Variants in ZNF559 observed in about 807,000 individuals in gnomAD.
ZNF559 encodes the protein putative protein product of Nbla00121.
Under a neutral mutation model 14.2 loss-of-function variants are expected in ZNF559, and 17 were observed. The observed-to-expected ratio is 1.20, with a 90% confidence interval of 0.82 to 1.80. The LOEUF (loss-of-function observed/expected upper bound fraction) is 1.80. Among genes scored for constraint, ZNF559 ranks in the 40% most tolerant of loss-of-function variants. The pLI, the probability that ZNF559 is intolerant of heterozygous loss-of-function variation, is 0.00. For synonymous variants in ZNF559, 244 were observed against 212.4 expected, an observed-to-expected ratio of 1.15 and a Z score of -1.29; for missense variants, 740 against 629.7, an observed-to-expected ratio of 1.18 and a Z score of -1.88.
Position 9,341,766 on chromosome 19 carries a change from C to T in ZNF559, c.315C>T (p.Cys105=). The change falls in exon 7 of 7, where the codon TGC becomes TGT. Residue 105 remains cysteine (C), a synonymous_variant. Coordinates refer to ENST00000603380, the MANE Select transcript of ZNF559 (RefSeq NM_032497.3). ...QCEKALSEHS[C]LKTHRRTYFR... is the part of the protein sequence containing the mutation. ...AAAAAGCCTTGAGTGAACACTCATG[C>T]CTTAAGACTCACAGGAGAACTTACT... 2 of 1,604,954 alleles carry T rather than the reference C, an allele frequency of 1.2e-6. No homozygotes were observed. Among genetic ancestry groups the T allele is most frequent in the South Asian group, 2.2e-5 (2 of 89,348 alleles).
In ZNF559 at chr19:9,324,248, C is replaced by T. The variant is rs2066435379; in HGVS notation, c.-206+20C>T. ...TCTGAGGTAAGTTTTTGTTTCTGGG[C>T]GGCGTTCGGTGGTGTCCCGGTGCAG... is the stretch of plus-strand genomic sequence containing the variant. On this transcript the variant is annotated intron_variant, in intron 1 of 6. Coordinates refer to ENST00000603380, the MANE Select transcript of ZNF559 (RefSeq NM_032497.3). 3 of 1,536,036 alleles carry T rather than the reference C, an allele frequency of 2.0e-6. No individual in the cohort carries two copies. Among genetic ancestry groups the T allele is most frequent in the Non-Finnish European group, 2.6e-6 (3 of 1,146,880 alleles).
In ZNF559 at chr19:9,341,182, AT is replaced by A. The variant is rs1482313685; in HGVS notation, c.242del (p.Met81ArgfsTer20). ...LQGKTSSVVE[M>X]ERNHFGEELF... ...GGGGAAAACATCCAGTGTGGTGGAA[AT>A]GGTAAGATTCAGAAGGTATAATTTA... On this transcript the variant is annotated frameshift_variant and splice_region_variant, in exon 6 of 7. Coordinates refer to ENST00000603380, the MANE Select transcript of ZNF559 (RefSeq NM_032497.3). LOFTEE classifies it low-confidence loss of function (END_TRUNC). 1.9e-6 allele frequency: 3 copies of A among 1,613,676 alleles called. No homozygotes were observed. The highest frequency in any genetic ancestry group is 1.7e-6 in the Non-Finnish European group (2 of 1,179,714).
chr19:9,342,533 CT>C lies in ZNF559; in HGVS notation c.1086del (p.Phe362LeufsTer11), dbSNP rs1455503097. 1 of 1,613,902 alleles carries C rather than the reference CT, an allele frequency of 6.2e-7. No homozygotes were observed. Among genetic ancestry groups the C allele is most frequent in the African/African-American group, 1.3e-5 (1 of 74,876 alleles). On this transcript the variant is annotated frameshift_variant, in exon 7 of 7. Coordinates refer to ENST00000603380, the MANE Select transcript of ZNF559 (RefSeq NM_032497.3). LOFTEE classifies it low-confidence loss of function (END_TRUNC). Reference sequence around the variant, plus strand: ...TATGAATGTAAGGAATGTGGGAAAGCTTTTGCTAACTCTTCACATCTTACTG... The same window carrying C: ...TATGAATGTAAGGAATGTGGGAAAGCTTTGCTAACTCTTCACATCTTACTG... Reference protein sequence around the residue: ...KPYECKECGKAFANSSHLTVH... With the variant: ...KPYECKECGKXFANSSHLTVH...
chr19:9,345,750 A>G lies in ZNF559; in HGVS notation c.*2682A>G, dbSNP rs888248957. 6.6e-6 allele frequency: 1 copy of G among 151,334 alleles called. No homozygotes were observed. Among genetic ancestry groups the G allele is most frequent in the African/African-American group, 2.4e-5 (1 of 41,272 alleles). 9.4% of individuals were successfully genotyped at this position (151,334 alleles called of 1,614,324 possible). On this transcript the variant is annotated 3_prime_UTR_variant, in exon 7 of 7. Transcript: ENST00000603380. The stretch of plus-strand genomic sequence containing the variant: ...GTTTTGCAATATTTATTGAATTTTG[A>G]GAGTTTAAAATTTGTAATATATTTA...
chr19:9,343,051 C>G lies in ZNF559; in HGVS notation c.1600C>G (p.Leu534Val), dbSNP rs768061543. The change falls in exon 7 of 7, where the codon CTT becomes GTT. Residue 534 changes from leucine (L) to valine (V), a missense_variant. By Grantham distance (32) the Leu-to-Val change is conservative. Transcript: ENST00000603380. ...GCAAACCTTTAGTAATTCCTCATGCCTTACTGAATGTGTGTGAATTGGGGC... is the reference window on the plus strand; with the variant it reads ...GCAAACCTTTAGTAATTCCTCATGCGTTACTGAATGTGTGTGAATTGGGGC... ...CGQTFSNSSC[L>V]TECV 4.5e-5 allele frequency: 73 copies of G among 1,611,072 alleles called. No homozygotes were observed. The highest frequency in any genetic ancestry group is 6.0e-5 in the Non-Finnish European group (71 of 1,178,656).
At chr19:9,327,745 T>C (rs952856072) in intron 2 of ZNF559, among the ~76,000 whole-genome samples, 9 of 96,032 alleles carry the variant, frequency 9.4e-5, no homozygotes, top group East Asian at 2.4e-4. Context: ...TCACAACTTA[T>C]TCTAATTTTT....
At chr19:9,336,781 G>A (rs16979585) in intron 2 of ZNF559, among the ~76,000 whole-genome samples, 3,279 of 152,208 alleles carry the variant, frequency 0.022, 116 homozygotes, top group African/African-American at 0.075. Context: ...AGCCAGAGAT[G>A]AGGACTTGAA....
intron 2 of ZNF559, among the ~76,000 whole-genome samples, chr19:9,330,361 C>T (rs1034489512): frequency 1.3e-5 from 2 of 152,086 alleles, no homozygotes; most frequent in Admixed American, 6.6e-5. Context: ...GCCTCTGTCT[C>T]CCTAGATGTG....
intron 2 of ZNF559, among the ~76,000 whole-genome samples, chr19:9,335,848 C>T (rs2067208450): frequency 6.6e-6 from 1 of 152,148 alleles, no homozygotes. Flanking sequence ...CTACCCTCTG[C>T]TAGGACCTAT....
chr19:9,324,259 G>T, intron 1 of ZNF559, 31 bp downstream of exon 1: 4 of 1,536,076 alleles, frequency 2.6e-6, no homozygotes, highest in Non-Finnish European at 3.5e-6. Context: ...GGCGTTCGGT[G>T]GTGTCCCGGT....
chr19:9,336,573 C>T (rs1056118334), intron 2 of ZNF559, among the ~76,000 whole-genome samples: 13 of 150,822 alleles, frequency 8.6e-5, no homozygotes, highest in African/African-American at 2.2e-4. Context: ...CCAGCCTGGG[C>T]GACAGAGCGA....
chr19:9,328,348 CTTTTTTTTTTT>C (rs904074002), intron 2 of ZNF559, among the ~76,000 whole-genome samples: 1 of 61,014 alleles, frequency 1.6e-5, no homozygotes, highest in Non-Finnish European at 3.0e-5. Flanking sequence ...GCTTGTTTGT[CTTTTTTTTTTT>C]TTTTTTTTTT....
chr19:9,336,552 G>A (rs2067249639), intron 2 of ZNF559, among the ~76,000 whole-genome samples: 2 of 151,364 alleles, frequency 1.3e-5, no homozygotes, highest in African/African-American at 4.9e-5. Context: ...CCAAGATCGC[G>A]CCACTGCACT....
chr19:9,339,355 T>C, intron 5 of ZNF559, 36 bp downstream of exon 5: 1 of 1,570,892 alleles, frequency 6.4e-7, no homozygotes, highest in Non-Finnish European at 8.6e-7. Flanking sequence ...TTAGTTTTTT[T>C]CTGGAACAAA....
intron 2 of ZNF559, among the ~76,000 whole-genome samples, chr19:9,327,603 A>G (rs74532310): frequency 0.021 from 3,224 of 152,248 alleles, 109 homozygotes; most frequent in African/African-American, 0.073. Flanking sequence ...CTGTTTTTAC[A>G]TTGAGAGGTT....
chr19:9,342,398 T>C lies in ZNF559; in HGVS notation c.947T>C (p.Ile316Thr). 6.2e-7 allele frequency: 1 copy of C among 1,612,922 alleles called. No individual in the cohort carries two copies. Residue 316 changes from isoleucine to threonine, a missense_variant, in exon 7 of 7, where the codon ATA (isoleucine) becomes ACA (threonine). Transcript: ENST00000603380. ...FTCFSKLNIH[I>T]RVHTGEKPYE... ...TGTTTCTCAAAACTCAACATTCACA[T>C]AAGGGTTCACACTGGAGAAAAACCG...
chr19:9,334,434 A>G (rs1226324575), intron 2 of ZNF559, among the ~76,000 whole-genome samples: 5 of 152,218 alleles, frequency 3.3e-5, no homozygotes, highest in Non-Finnish European at 1.5e-5. Flanking sequence ...AAGGAAAAGA[A>G]CTATATGTGT....
rs1318261944 is a variant in ZNF559, at chr19:9,345,404, A to C, written c.*2336A>C. ...CTTTCTCAAGTAGTTATGCCATTTG[A>C]CATTTCCATGAGCAGTATATAAGAG... On this transcript the variant is annotated 3_prime_UTR_variant, in exon 7 of 7. Transcript: ENST00000603380. 6.6e-6 allele frequency: 1 copy of C among 152,204 alleles called. No homozygotes were observed. The highest frequency in any genetic ancestry group is 1.5e-5 in the Non-Finnish European group (1 of 68,030). 9.4% of individuals were successfully genotyped at this position (152,204 alleles called of 1,614,324 possible).
chr19:9,326,104 G>GTTTT (rs1282400704), intron 2 of ZNF559, among the ~76,000 whole-genome samples: 1 of 91,406 alleles, frequency 1.1e-5, no homozygotes, highest in South Asian at 3.6e-4. Context: ...CTATTCACCT[G>GTTTT]ATTTTTTTTT....
Sources: allele counts gnomAD v4.1 joint callset (sites outside exome capture counted in the v4.1 genomes callset), GRCh38; gene constraint gnomAD v4.1.1; transcripts MANE v1.5; gene names NCBI Gene and HGNC (gene_info 2026-07-23, HGNC 2026-07-21).